The following MAP4 variants were observed in gnomAD, a reference collection of about 807,000 sequenced individuals.
The protein encoded by MAP4 is microtubule-associated protein 4.
MAP4 carries 76 observed loss-of-function variants against 170.2 expected under a neutral mutation model. The observed-to-expected ratio is 0.45, with a 90% CI of 0.37 to 0.54. The LOEUF is 0.54. Ranked by LOEUF, MAP4 falls within the 20% of genes least tolerant of loss-of-function variation. The pLI is 0.00. For synonymous variants in MAP4, 909 were observed against 994.5 expected (o/e 0.91, Z 1.62); for missense variants, 2,506 against 2,748.0 (o/e 0.91, Z 1.97).
At chr3:48,015,329 T>A (rs1474424432) in intron 1 of MAP4, among the ~76,000 whole-genome samples, 1 of 152,112 alleles carries the variant, frequency 6.6e-6, no homozygotes, top group African/African-American at 2.4e-5. Context: ...CATAAAGATA[T>A]CTGGGTTAAT....
At chr3:47,869,521 A>G (rs2087123903) in intron 15 of MAP4, among the ~76,000 whole-genome samples, 194 bp from the exon 16 acceptor site, 1 of 152,162 alleles carries the variant, frequency 6.6e-6, no homozygotes, top group African/African-American at 2.4e-5. Context: ...GAGGACCACA[A>G]AAGAAGGAGC....
intron 3 of MAP4, among the ~76,000 whole-genome samples, chr3:47,941,544 G>A (rs1012741477): frequency 5.3e-5 from 8 of 151,700 alleles, no homozygotes; most frequent in African/African-American, 1.7e-4. Context: ...TTGGGAGGCC[G>A]AGGTGGGCGG....
intron 1 of MAP4, among the ~76,000 whole-genome samples, chr3:48,043,855 T>C (rs11916052): frequency 0.012 from 1,877 of 152,302 alleles, 45 homozygotes; most frequent in African/African-American, 0.043. Context: ...ATCTTTTTTT[T>C]TTTAAAATTG....
chr3:47,893,679 C>G (rs2100025264), intron 10 of MAP4, among the ~76,000 whole-genome samples: 1 of 151,578 alleles, frequency 6.6e-6, no homozygotes, highest in South Asian at 2.1e-4. Context: ...TACTGTCTTG[C>G]AATAACATAG....
chr3:48,016,923 T>A (rs1003380195), upstream of MAP4, among the ~76,000 whole-genome samples: 1 of 152,096 alleles, frequency 6.6e-6, no homozygotes, highest in African/African-American at 2.4e-5. Flanking sequence ...ATTGCAGGCA[T>A]GCACACCACC....
Position 47,872,141 on chromosome 3 carries a change from A to G in MAP4, c.5758-41T>C, listed in dbSNP as rs372960967. Reference sequence around the variant, plus strand: ...TGGGAATGAGGCCTGCAGGTCAGCAATAGCCCCAAGGAGTCACGCTACAAG... The same window carrying G: ...TGGGAATGAGGCCTGCAGGTCAGCAGTAGCCCCAAGGAGTCACGCTACAAG... On this transcript the variant is annotated intron_variant, in intron 12 of 20. Coordinates refer to ENST00000683076, the MANE Select transcript of MAP4 (RefSeq NM_001385682.1). 54 of 1,548,914 alleles carry G rather than the reference A, an allele frequency of 3.5e-5. No individual in the cohort carries two copies. In the African/African-American group the frequency reaches 5.3e-4, roughly 15 times the overall value.
intron 17 of MAP4, among the ~76,000 whole-genome samples, chr3:47,858,731 G>T (rs757727402): frequency 2.0e-5 from 3 of 152,040 alleles, no homozygotes; most frequent in African/African-American, 7.2e-5. Context: ...AGCACTTTGG[G>T]AGGCTGAGGC....
intron 1 of MAP4, among the ~76,000 whole-genome samples, chr3:48,060,346 A>G (rs1394569199): frequency 6.6e-6 from 1 of 152,176 alleles, no homozygotes; most frequent in Non-Finnish European, 1.5e-5. Flanking sequence ...TTGATGGATC[A>G]TTAAAAAAAA....
intron 1 of MAP4, among the ~76,000 whole-genome samples, chr3:48,031,279 C>A (rs1244966425): frequency 6.6e-6 from 1 of 152,050 alleles, no homozygotes; most frequent in Non-Finnish European, 1.5e-5. Flanking sequence ...AGGCTGGGTG[C>A]GGTGGCTCAC....
intron 10 of MAP4, among the ~76,000 whole-genome samples, chr3:47,901,890 T>C (rs998317889): frequency 6.6e-6 from 1 of 152,120 alleles, no homozygotes; most frequent in Non-Finnish European, 1.5e-5. Flanking sequence ...CCAGGCATGG[T>C]GCCTCACACC....
chr3:48,034,717 T>A (rs186990078), intron 1 of MAP4, among the ~76,000 whole-genome samples: 156 of 147,658 alleles, frequency 1.1e-3, no homozygotes, highest in South Asian at 3.7e-3. Context: ...AAATAAAAAA[T>A]TTTTTTTCAC....
intron 17 of MAP4, among the ~76,000 whole-genome samples, chr3:47,858,021 CTTTTT>C (rs397817713): frequency 8.4e-6 from 1 of 118,380 alleles, no homozygotes; most frequent in African/African-American, 3.3e-5. Context: ...CTGGCCTTCA[CTTTTT>C]TTTTTTTTTT....
intron 17 of MAP4, among the ~76,000 whole-genome samples, chr3:47,858,375 G>A (rs1553721642): frequency 1.3e-5 from 2 of 152,024 alleles, no homozygotes; most frequent in Non-Finnish European, 2.9e-5. Context: ...CACCCCACAG[G>A]TCTTTCTGTG....
At chr3:47,867,434 C>A in intron 16 of MAP4, 96 bp from the exon 17 acceptor site, 1 of 794,596 alleles carries the variant, frequency 1.3e-6, no homozygotes, top group Non-Finnish European at 2.2e-6. Context: ...ATCACAATGA[C>A]CAACAAAAAG....
At chr3:47,946,264 C>A (rs924761418) in intron 3 of MAP4, among the ~76,000 whole-genome samples, 1 of 151,632 alleles carries the variant, frequency 6.6e-6, no homozygotes, top group Non-Finnish European at 1.5e-5. Context: ...ATGCTCAGGA[C>A]TATTACACTA....
At chr3:47,936,670 GA>G (rs2100053090) in intron 3 of MAP4, among the ~76,000 whole-genome samples, 9 of 152,016 alleles carry the variant, frequency 5.9e-5, no homozygotes, top group Admixed American at 5.9e-4. Flanking sequence ...GCTAAAGAAG[GA>G]AAACAGAACT....
intron 4 of MAP4, among the ~76,000 whole-genome samples, chr3:47,922,771 C>T (rs921040385): frequency 1.3e-5 from 2 of 152,126 alleles, no homozygotes; most frequent in Non-Finnish European, 2.9e-5. Flanking sequence ...AAAGCAGGGC[C>T]GGGCATGGTG....
chr3:48,085,393 C>A (rs1339299077), intron 1 of MAP4, among the ~76,000 whole-genome samples: 1 of 152,114 alleles, frequency 6.6e-6, no homozygotes, highest in African/African-American at 2.4e-5. Flanking sequence ...TAAGAAAATC[C>A]AGGTGCTTCC....
intron 3 of MAP4, chr3:47,975,224 T>G (rs2100081263): frequency 7.8e-7 from 1 of 1,274,748 alleles, no homozygotes; most frequent in East Asian, 2.8e-5. Context: ...TTGCACTTTG[T>G]GTTCACAAAG....
Sources: gnomAD v4.1 joint callset for allele counts (sites outside exome capture counted in the v4.1 genomes callset) on GRCh38, gnomAD v4.1.1 for gene constraint, MANE v1.5 for transcripts, NCBI Gene and HGNC (gene_info 2026-07-23, HGNC 2026-07-21) for gene names.